ACAN: variants seen among roughly 807,000 people sequenced by gnomAD.
ACAN encodes aggrecan core protein.
A neutral mutation model predicts 169.1 loss-of-function variants in ACAN; 47 were observed. The observed-to-expected ratio is 0.28, with a 90% CI of 0.22 to 0.35. ACAN has a LOEUF of 0.35. Ranked by LOEUF, ACAN falls within the 10% of genes least tolerant of loss-of-function variation. ACAN has a pLI of 1.00. For missense variants in ACAN, 2,716 were observed against 2,759.9 expected, an observed-to-expected ratio of 0.98 and a Z score of 0.36; for synonymous variants, 1,115 against 1,112.2, an observed-to-expected ratio of 1.00 and a Z score of -0.05.
Position 88,849,690 on chromosome 15 carries a change from T to G in ACAN, c.1985T>G (p.Leu662Arg), listed in dbSNP as rs773685275. 26 of 1,613,802 alleles carry G rather than the reference T, an allele frequency of 1.6e-5. No individual in the cohort carries two copies. The Admixed American group carries it at 1.8e-4, about 11-fold the overall frequency. Residue 662 changes from leucine (L) to arginine (R), a missense_variant, in exon 10 of 19, where the codon CTC becomes CGC. This residue lies in a region of ACAN where 1,283 missense variants were observed against 1,281.5 expected (regional missense o/e 1.00). Coordinates refer to ENST00000560601, the MANE Select transcript of ACAN (RefSeq NM_001369268.1). This position sits in a 1 kb window ranked among gnomAD's most constrained non-coding sequence, Gnocchi z 5.1. ...TACCTCTACCCTAACCAGACGGGCC[T>G]CCCAGACCCACTGTCCCGGCACCAT... is the stretch of plus-strand genomic sequence containing the variant. ...TVYLYPNQTG[L>R]PDPLSRHHAF...
At chr15:88,852,147 G>T in intron 11 of ACAN, 114 bp downstream of exon 11, 1 of 1,432,356 alleles carries the variant, frequency 7.0e-7, no homozygotes, top group Non-Finnish European at 9.3e-7. Context: ...TGTTTCCCCA[G>T]CCCTGACACT....
intron 1 of ACAN, among the ~76,000 whole-genome samples, chr15:88,834,099 C>G (rs915244738): frequency 6.6e-6 from 1 of 152,186 alleles, no homozygotes. Context: ...CATGGTGCCA[C>G]AGCCTGCAGC....
intron 5 of ACAN, among the ~76,000 whole-genome samples, chr15:88,842,690 G>A (rs762050513): frequency 2.6e-5 from 4 of 152,202 alleles, no homozygotes; most frequent in Non-Finnish European, 4.4e-5. Context: ...TTATTTGTGT[G>A]TTCCCACATT....
At chr15:88,842,580 G>A (rs1324738508) in intron 5 of ACAN, among the ~76,000 whole-genome samples, 1 of 147,844 alleles carries the variant, frequency 6.8e-6, no homozygotes, top group Admixed American at 6.7e-5. Flanking sequence ...CTGACAACTG[G>A]CACTTTCTGG....
At chr15:88,852,910 C>T (rs1896962561) in intron 11 of ACAN, among the ~76,000 whole-genome samples, 1 of 152,208 alleles carries the variant, frequency 6.6e-6, no homozygotes, top group South Asian at 2.1e-4. Context: ...TCCGAGCTCC[C>T]ACTAACTCAT....
At chr15:88,860,482 G>T in intron 13 of ACAN, 43 bp downstream of exon 13, 1 of 1,554,256 alleles carries the variant, frequency 6.4e-7, no homozygotes, top group Non-Finnish European at 8.8e-7. Flanking sequence ...CGGAGGCGCT[G>T]GACAGACTTC....
intron 1 of ACAN, among the ~76,000 whole-genome samples, chr15:88,829,276 C>T (rs1342187646): frequency 1.3e-5 from 2 of 152,090 alleles, no homozygotes; most frequent in African/African-American, 4.8e-5. Flanking sequence ...TCACAATTTC[C>T]CTGGGGGTGA....
rs1241509024 is a variant in ACAN, at chr15:88,874,158, C to T, written c.7630+134C>T. On this transcript the variant is annotated intron_variant, in intron 18 of 18. Coordinates refer to ENST00000560601, the MANE Select transcript of ACAN (RefSeq NM_001369268.1). The surrounding 1 kb of genome is among the most constrained non-coding windows in gnomAD (Gnocchi z 7.3). The stretch of plus-strand genomic sequence containing the variant: ...AGGGAAGGGAGGTCGGGGGGCTGCT[C>T]AGTCACAAATAGCTGACCACTGCCC... 4.7e-6 allele frequency: 6 copies of T among 1,280,460 alleles called. No homozygotes were observed. The highest frequency in any genetic ancestry group is 2.6e-5 in the South Asian group (2 of 78,152). 79.3% of individuals were successfully genotyped at this position (1,280,460 alleles called of 1,614,324 possible).
In ACAN at chr15:88,861,182, C is replaced by A. The variant is rs904586094; in HGVS notation, c.6946+743C>A. On this transcript the variant is annotated intron_variant, in intron 13 of 18. Transcript: ENST00000560601. This position sits in a 1 kb window ranked among gnomAD's most constrained non-coding sequence, Gnocchi z 6.3. ...CATCTCATCTTATCAACATCACCAC[C>A]TTGAGGAAAGAAATGCCCAGTTACC... Among the ~76,000 whole-genome samples the A allele has an allele frequency of 1.4e-5, 2 of 146,130 alleles. No homozygotes were observed. The highest frequency in any genetic ancestry group is 5.6e-5 in the African/African-American group (2 of 35,748).
rs763391616 is a variant in ACAN, at chr15:88,849,625, G to A, written c.1920G>A (p.Arg640=). The A allele has an allele frequency of 6.2e-7, 1 of 1,612,526 alleles. No homozygotes were observed. Among genetic ancestry groups the A allele is most frequent in the South Asian group, 1.1e-5 (1 of 90,934 alleles). ...GSLRYPIVTP[R]PACGGDKPGV... ...TCCGCTACCCCATCGTCACCCCAAG[G>A]CCTGCCTGCGGTGGGGACAAGCCAG... The change falls in exon 10 of 19, where the codon AGG becomes AGA. Residue 640 remains arginine, a synonymous_variant. Transcript: ENST00000560601. The surrounding 1 kb of genome is among the most constrained non-coding windows in gnomAD (Gnocchi z 5.1).
At chr15:88,836,542 G>A (rs1431119382) in intron 2 of ACAN, among the ~76,000 whole-genome samples, 3 of 152,334 alleles carry the variant, frequency 2.0e-5, no homozygotes, top group East Asian at 1.9e-4. Flanking sequence ...GAGAGCTCCC[G>A]GCAGGTGCCC....
intron 6 of ACAN, among the ~76,000 whole-genome samples, chr15:88,844,827 C>T (rs59061764): frequency 0.021 from 3,163 of 152,232 alleles, 100 homozygotes; most frequent in African/African-American, 0.07. Flanking sequence ...AAAACAATGC[C>T]TCACATGAAT....
rs1015081 is a variant in ACAN, at chr15:88,839,377, A to G, written c.454+331A>G. Among the ~76,000 whole-genome samples, 66,045 of 152,080 alleles carry G rather than the reference A, an allele frequency of 0.43. 14,749 individuals carry two copies. The highest frequency in any genetic ancestry group is 0.5 in the African/African-American group (20,927 of 41,466). On this transcript the variant is annotated intron_variant, in intron 3 of 18. Transcript: ENST00000560601. The surrounding 1 kb of genome is among the most constrained non-coding windows in gnomAD (Gnocchi z 4.5). ...AGTGACTTGCCTGAGGTTACCCTGGAAATGAGTCAGAGCAGTCTCCTGACA... is the reference window on the plus strand; with the variant it reads ...AGTGACTTGCCTGAGGTTACCCTGGGAATGAGTCAGAGCAGTCTCCTGACA...
intron 1 of ACAN, among the ~76,000 whole-genome samples, chr15:88,824,877 GC>G (rs1450939728): frequency 6.7e-6 from 1 of 150,146 alleles, no homozygotes; most frequent in Non-Finnish European, 1.5e-5. Flanking sequence ...GGCTGACAGA[GC>G]GAGACTCTGT....
At chr15:88,852,172 C>A (rs1465100244) in intron 11 of ACAN, 139 bp downstream of exon 11, 6 of 1,290,066 alleles carry the variant, frequency 4.7e-6, no homozygotes, top group Non-Finnish European at 6.3e-6. Context: ...GGGTGTTCTG[C>A]TATGGGCAAC....
At position 88,845,449 on chromosome 15, in the gene ACAN, C is replaced by G. The variant is rs1185418991; in HGVS notation, c.1052-56C>G. 4.5e-6 allele frequency: 7 copies of G among 1,539,488 alleles called. No individual in the cohort carries two copies. In the African/African-American group the frequency reaches 9.6e-5, roughly 21 times the overall value. ...GCTCATCTCCAGCCCACTCCTCATC[C>G]CCCTCAAGCCGGTCCCAGGCTGAGA... On this transcript the variant is annotated intron_variant, in intron 6 of 18. Coordinates refer to ENST00000560601, the MANE Select transcript of ACAN (RefSeq NM_001369268.1).
chr15:88,872,241 C>T lies in ACAN; in HGVS notation c.7302+156C>T, dbSNP rs1312431573. Among the ~76,000 whole-genome samples, 1 of 152,188 alleles carries T rather than the reference C, an allele frequency of 6.6e-6. No homozygotes were observed. The highest frequency in any genetic ancestry group is 1.5e-5 in the Non-Finnish European group (1 of 68,032). On this transcript the variant is annotated intron_variant, in intron 16 of 18. Coordinates refer to ENST00000560601, the MANE Select transcript of ACAN (RefSeq NM_001369268.1). This position sits in a 1 kb window ranked among gnomAD's most constrained non-coding sequence, Gnocchi z 5.4. ...CAGGGATTATCTCCTTCATCTCTGC[C>T]TCTGGAACCCAGCCCGGGGCTGGAC... is the stretch of plus-strand genomic sequence containing the variant.
intron 1 of ACAN, among the ~76,000 whole-genome samples, chr15:88,832,297 A>G (rs978465622): frequency 1.4e-5 from 2 of 146,616 alleles, no homozygotes; most frequent in African/African-American, 2.7e-5. Context: ...ACACAAGTAG[A>G]TACCTTAAAA....
chr15:88,816,018 T>C (rs997048292), intron 1 of ACAN, among the ~76,000 whole-genome samples: 5 of 152,328 alleles, frequency 3.3e-5, no homozygotes, highest in African/African-American at 1.2e-4. Context: ...TGTCAATCTT[T>C]GGTGTTCCTT....
Sources: allele counts gnomAD v4.1 joint callset (sites outside exome capture counted in the v4.1 genomes callset), GRCh38; gene constraint gnomAD v4.1.1; regional missense constraint gnomAD v4.1.1; non-coding constraint Gnocchi (gnomAD v3.1); transcripts MANE v1.5; gene names NCBI Gene and HGNC (gene_info 2026-07-23, HGNC 2026-07-21).